Variants in MDGA2 observed in about 807,000 individuals in gnomAD.
The protein encoded by MDGA2 is MAM domain-containing glycosylphosphatidylinositol anchor protein 2.
A neutral mutation model predicts 117.8 loss-of-function variants in MDGA2; 40 were observed. The ratio of observed to expected loss-of-function variants is 0.34; its 90% CI spans 0.26 to 0.44. MDGA2 has a LOEUF of 0.44. Among genes scored for constraint, MDGA2 ranks in the 20% least tolerant of loss-of-function variants. The probability of loss-of-function intolerance (pLI) is 1.00; values close to 1 mark genes in which losing one functional copy is unlikely to be tolerated. For synonymous variants in MDGA2, 452 were observed against 439.0 expected (o/e 1.03, Z -0.37); for missense variants, 1,123 against 1,250.6 (o/e 0.90, Z 1.54).
At chr14:47,548,084 CTAAAATATATT>C (rs1895498733) in intron 1 of MDGA2, among the ~76,000 whole-genome samples, 1 of 152,098 alleles carries the variant, frequency 6.6e-6, no homozygotes, top group African/African-American at 2.4e-5. Context: ...AAGTTACAAA[CTAAAATATATT>C]TGTACTCTCT....
intron 1 of MDGA2, among the ~76,000 whole-genome samples, chr14:47,359,279 G>C (rs548709025): frequency 6.6e-6 from 1 of 152,050 alleles, no homozygotes; most frequent in Admixed American, 6.5e-5. Context: ...GCTTGAACCC[G>C]GGAGGTGAAG....
At chr14:47,650,540 C>G (rs1309305582) in intron 1 of MDGA2, among the ~76,000 whole-genome samples, 2 of 152,208 alleles carry the variant, frequency 1.3e-5, no homozygotes, top group South Asian at 4.1e-4. Flanking sequence ...ACTGGCATGT[C>G]TAAATTGTCC....
Position 46,874,199 on chromosome 14 carries a change from T to C in MDGA2, c.2439A>G (p.Arg813=), listed in dbSNP as rs576304642. 19 of 1,402,342 alleles carry C rather than the reference T, an allele frequency of 1.4e-5. No individual in the cohort carries two copies. In the South Asian group the frequency reaches 3.1e-4, roughly 23 times the overall value. The allele number at this position is 1,402,342 out of a possible 1,614,324, so 86.9% of individuals were successfully genotyped here. A position where few individuals can be genotyped will look rare whatever the true frequency, so the allele number is the denominator to read the frequency against. The change falls in exon 13 of 17, where the codon AGA becomes AGG. Residue 813 remains arginine, a splice_region_variant and synonymous_variant. Transcript: ENST00000399232. The part of the protein sequence containing the change: ...KYSAPVNPHL[R]EFHCGFEDGN... Reference sequence around the variant, plus strand: ...CATCTTCAAATCCACAATGAAATTCTCCTGTTGGTAAATTTTAATTAAATT... The same window carrying C: ...CATCTTCAAATCCACAATGAAATTCCCCTGTTGGTAAATTTTAATTAAATT...
intron 6 of MDGA2, among the ~76,000 whole-genome samples, chr14:47,065,879 A>C (rs1474970532): frequency 6.6e-6 from 1 of 152,188 alleles, no homozygotes; most frequent in Non-Finnish European, 1.5e-5. Context: ...ATGTTTTATA[A>C]TCAGGTTGTA....
intron 1 of MDGA2, among the ~76,000 whole-genome samples, chr14:47,498,754 A>T (rs1894335570): frequency 6.6e-6 from 1 of 152,178 alleles, no homozygotes; most frequent in Admixed American, 6.5e-5. Flanking sequence ...AAATATTAGG[A>T]AAAAATATTT....
chr14:47,104,981 T>G (rs1049493626), intron 5 of MDGA2, among the ~76,000 whole-genome samples: 1 of 152,162 alleles, frequency 6.6e-6, no homozygotes, highest in Non-Finnish European at 1.5e-5. Flanking sequence ...ACATGTTTTA[T>G]CTGTGAACCC....
chr14:47,457,774 A>C (rs916659071), intron 1 of MDGA2, among the ~76,000 whole-genome samples: 10 of 148,284 alleles, frequency 6.7e-5, no homozygotes, highest in African/African-American at 2.5e-4. Context: ...CCTTTTATTA[A>C]TGATTTTCCT....
chr14:47,469,976 T>C (rs1594873167), intron 1 of MDGA2, among the ~76,000 whole-genome samples: 3 of 152,188 alleles, frequency 2.0e-5, no homozygotes, highest in East Asian at 3.9e-4. Flanking sequence ...AAAGGTAAAA[T>C]GTCCAAGGAG....
At chr14:47,341,476 T>C (rs1171303583) in intron 1 of MDGA2, among the ~76,000 whole-genome samples, 1 of 152,194 alleles carries the variant, frequency 6.6e-6, no homozygotes, top group East Asian at 1.9e-4. Context: ...ATTTCTTAAT[T>C]TGGAGTAAAT....
chr14:46,946,140 T>G (rs571486778), intron 9 of MDGA2, among the ~76,000 whole-genome samples: 1 of 152,174 alleles, frequency 6.6e-6, no homozygotes, highest in African/African-American at 2.4e-5. Context: ...GAATAAAAAT[T>G]AAGGTATGAG....
Position 47,279,105 on chromosome 14 carries a change from T to C in MDGA2, c.420+22306A>G, listed in dbSNP as rs148522173. ...GTATAAATGACAGTATACACATATA[T>C]ACATATGCAAGTATGAATACACTGA... On this transcript the variant is annotated intron_variant, in intron 2 of 16. Transcript: ENST00000399232. Among the ~76,000 whole-genome samples, 18 of 152,298 alleles carry C rather than the reference T, an allele frequency of 1.2e-4. 1 individual carries two copies. The East Asian group carries it at 2.3e-3, about 20-fold the overall frequency.
intron 1 of MDGA2, among the ~76,000 whole-genome samples, chr14:47,391,426 C>G (rs1473434664): frequency 3.9e-5 from 6 of 152,142 alleles, no homozygotes; most frequent in African/African-American, 1.4e-4. Context: ...CGGGATGATC[C>G]ATTCAGAGTT....
chr14:47,065,478 T>C (rs1566602788), intron 6 of MDGA2, among the ~76,000 whole-genome samples: 1 of 152,186 alleles, frequency 6.6e-6, no homozygotes, highest in African/African-American at 2.4e-5. Flanking sequence ...TATGTAAAAC[T>C]AGATTACATC....
In MDGA2 at chr14:46,954,147, GCTT is replaced by G. The variant is rs371058981; in HGVS notation, c.2089+3224_2089+3226del. On this transcript the variant is annotated intron_variant, in intron 9 of 16. Transcript: ENST00000399232. ...CGCAGGTTGATTTTCCTCATTGACT[GCTT>G]CTTGCAGTTGTAAGCTTATTCCAGT... Among the ~76,000 whole-genome samples the G allele has an allele frequency of 3.2e-3, 493 of 152,086 alleles. 5 individuals are homozygous for G. Among genetic ancestry groups the G allele is most frequent in the African/African-American group, 0.011 (474 of 41,536 alleles).
intron 8 of MDGA2, among the ~76,000 whole-genome samples, chr14:46,987,930 G>C (rs1014737043): frequency 1.7e-5 from 2 of 115,678 alleles, no homozygotes. Context: ...TCTGGGGTGG[G>C]GGGGGGTGCG....
chr14:47,144,353 C>A, intron 3 of MDGA2, 79 bp from the exon 4 acceptor site: 1 of 988,970 alleles, frequency 1.0e-6, no homozygotes, highest in Non-Finnish European at 1.5e-6. Flanking sequence ...ATAACCCAAC[C>A]AAAAATGCAT....
intron 2 of MDGA2, among the ~76,000 whole-genome samples, chr14:47,289,611 T>TA (rs368557736): frequency 3.4e-4 from 51 of 152,130 alleles, no homozygotes; most frequent in African/African-American, 1.2e-3. Flanking sequence ...ATTTCCACAT[T>TA]AAAAAAATTA....
chr14:47,387,869 C>T (rs1050389588), intron 1 of MDGA2, among the ~76,000 whole-genome samples: 2 of 152,060 alleles, frequency 1.3e-5, no homozygotes, highest in East Asian at 1.9e-4. Flanking sequence ...CAAACCTATC[C>T]GTATTTAAGG....
intron 1 of MDGA2, among the ~76,000 whole-genome samples, chr14:47,578,851 T>C (rs373875557): frequency 1.8e-4 from 27 of 152,280 alleles, no homozygotes; most frequent in African/African-American, 6.0e-4. Flanking sequence ...GCATTCCCTA[T>C]GTTATCCAGT....
Sources: gnomAD v4.1 joint callset for allele counts (sites outside exome capture counted in the v4.1 genomes callset) on GRCh38, gnomAD v4.1.1 for gene constraint, MANE v1.5 for transcripts, NCBI Gene and HGNC (gene_info 2026-07-23, HGNC 2026-07-21) for gene names.